ARHGAP31: variants seen among roughly 807,000 people sequenced by gnomAD.
ARHGAP31 encodes rho GTPase-activating protein 31.
A neutral mutation model predicts 113.9 loss-of-function variants in ARHGAP31; 34 were observed. The ratio of observed to expected loss-of-function variants is 0.30; its 90% CI spans 0.23 to 0.40. The LOEUF is 0.40. Ranked by LOEUF, ARHGAP31 falls within the 10% of genes least tolerant of loss-of-function variation. The pLI is 1.00. For missense variants in ARHGAP31, 1,548 were observed against 1,767.1 expected (o/e 0.88, Z 2.22); for synonymous variants, 650 against 684.8 (o/e 0.95, Z 0.79).
chr3:119,347,749 T>G (rs1429545812), intron 1 of ARHGAP31, among the ~76,000 whole-genome samples: 13 of 152,216 alleles, frequency 8.5e-5, no homozygotes, highest in Admixed American at 8.5e-4. Context: ...GAGCCTTACC[T>G]TGTGAAAGCT....
intron 1 of ARHGAP31, among the ~76,000 whole-genome samples, chr3:119,326,109 TTGAA>T (rs2079841716): frequency 6.6e-6 from 1 of 152,146 alleles, no homozygotes; most frequent in African/African-American, 2.4e-5. Flanking sequence ...GGAGAATCAC[TTGAA>T]CCCAGGAGGC....
chr3:119,313,881 C>T (rs1052208251), intron 1 of ARHGAP31, among the ~76,000 whole-genome samples: 1 of 152,204 alleles, frequency 6.6e-6, no homozygotes, highest in African/African-American at 2.4e-5. Flanking sequence ...AAGGTAGGAT[C>T]AGAAAACATT....
intron 1 of ARHGAP31, among the ~76,000 whole-genome samples, chr3:119,296,402 T>G (rs541948515): frequency 3.0e-4 from 46 of 152,358 alleles, no homozygotes; most frequent in African/African-American, 1.1e-3. Flanking sequence ...GTTTGAGTTT[T>G]TTTGAGTGTG....
chr3:119,306,182 G>T (rs1360095233), intron 1 of ARHGAP31, among the ~76,000 whole-genome samples: 1 of 152,120 alleles, frequency 6.6e-6, no homozygotes, highest in Non-Finnish European at 1.5e-5. Flanking sequence ...TTAAATATTA[G>T]TCAATTTTAG....
intron 3 of ARHGAP31, among the ~76,000 whole-genome samples, chr3:119,374,730 C>G (rs1358774833): frequency 6.6e-6 from 1 of 152,182 alleles, no homozygotes; most frequent in Non-Finnish European, 1.5e-5. Flanking sequence ...CACCTTCTGC[C>G]ATGATTATGT....
At chr3:119,362,893 T>TTATA (rs1363676510) in intron 1 of ARHGAP31, among the ~76,000 whole-genome samples, 19 of 152,124 alleles carry the variant, frequency 1.2e-4, no homozygotes, top group Admixed American at 3.3e-4. Context: ...GAAAATCAGA[T>TTATA]TATACATTTA....
At chr3:119,295,332 C>G (rs1210207832) in intron 1 of ARHGAP31, among the ~76,000 whole-genome samples, 1 of 151,542 alleles carries the variant, frequency 6.6e-6, no homozygotes. Flanking sequence ...AAACTTGGCA[C>G]GTTGGAAGGG....
chr3:119,322,985 C>T (rs2107603367), intron 1 of ARHGAP31, among the ~76,000 whole-genome samples: 1 of 152,350 alleles, frequency 6.6e-6, no homozygotes, highest in South Asian at 2.1e-4. Context: ...TCGTTTCTGC[C>T]CCGCCCCGGG....
Position 119,383,106 on chromosome 3 carries a change from G to T in ARHGAP31, c.562G>T (p.Gly188Cys), listed in dbSNP as rs777932793. The change falls in exon 6 of 12, where the codon GGT becomes TGT. Residue 188 changes from glycine (G) to cysteine (C), a missense_variant. Gly to Cys is a radical substitution (Grantham distance 159). Coordinates refer to ENST00000264245, the MANE Select transcript of ARHGAP31 (RefSeq NM_020754.4). ...LLRSKEIEAT[G>C]CNGDAAFLAV... ...TAGGTCTAAAGAAATTGAAGCCACT[G>T]GTTGCAATGGAGATGCAGCCTTCCT... The T allele has an allele frequency of 6.2e-7, 1 of 1,614,204 alleles. No homozygotes were observed. Among genetic ancestry groups the T allele is most frequent in the South Asian group, 1.1e-5 (1 of 91,078 alleles).
chr3:119,325,061 T>C (rs2079829688), intron 1 of ARHGAP31: 2 of 435,658 alleles, frequency 4.6e-6, no homozygotes, highest in Non-Finnish European at 4.7e-6. Flanking sequence ...TTGAACACTC[T>C]CAGTGTGTTT....
intron 2 of ARHGAP31, among the ~76,000 whole-genome samples, chr3:119,365,896 G>A (rs2080249379): frequency 1.3e-5 from 2 of 151,824 alleles, no homozygotes; most frequent in Non-Finnish European, 2.9e-5. Context: ...GTCTCTAATT[G>A]ATGCTAGGAT....
chr3:119,296,752 C>CAA (rs147252007), intron 1 of ARHGAP31, among the ~76,000 whole-genome samples: 2 of 150,132 alleles, frequency 1.3e-5, no homozygotes, highest in African/African-American at 4.9e-5. Context: ...TTCATTTAGA[C>CAA]AAAAAAAAAC....
chr3:119,342,341 C>A (rs921538312), intron 1 of ARHGAP31, among the ~76,000 whole-genome samples: 4 of 152,038 alleles, frequency 2.6e-5, no homozygotes. Context: ...AAATTAATAC[C>A]AAATGTACAT....
intron 1 of ARHGAP31, among the ~76,000 whole-genome samples, chr3:119,338,692 GGAAA>G (rs1271404656): frequency 2.0e-5 from 3 of 152,220 alleles, no homozygotes; most frequent in South Asian, 4.2e-4. Context: ...AGTTAAGCTT[GGAAA>G]GAGTTTTAGT....
chr3:119,412,742 G>A (rs926115887), intron 11 of ARHGAP31, among the ~76,000 whole-genome samples: 3 of 152,166 alleles, frequency 2.0e-5, no homozygotes, highest in African/African-American at 7.2e-5. Context: ...AGAAAAAAGA[G>A]ACTGGGCGTG....
At chr3:119,312,552 C>G (rs2079691472) in intron 1 of ARHGAP31, among the ~76,000 whole-genome samples, 1 of 152,278 alleles carries the variant, frequency 6.6e-6, no homozygotes, top group East Asian at 1.9e-4. Flanking sequence ...ACACCTGACA[C>G]AAGTACAAGC....
chr3:119,311,785 T>TC (rs1381458281), intron 1 of ARHGAP31, among the ~76,000 whole-genome samples: 1 of 152,170 alleles, frequency 6.6e-6, no homozygotes, highest in African/African-American at 2.4e-5. Context: ...AGGGTCACAA[T>TC]CCCATATGAT....
rs748730057 is a variant in ARHGAP31, at chr3:119,414,392, G to C, written c.2463G>C (p.Gln821His). 3.1e-6 allele frequency: 5 copies of C among 1,614,116 alleles called. No individual in the cohort carries two copies. Among genetic ancestry groups the C allele is most frequent in the Middle Eastern group, 1.6e-4 (1 of 6,084 alleles). Reference protein sequence around the residue: ...RKLRTDLYIDQLKSQDSPEIS... With the variant: ...RKLRTDLYIDHLKSQDSPEIS... ...TGAGGACAGATCTCTACATAGACCA[G>C]CTGAAGTCCCAAGACAGCCCTGAGA... The change falls in exon 12 of 12, where the codon CAG becomes CAC. Residue 821 changes from glutamine (Q) to histidine (H), a missense_variant. Physicochemically the swap from Gln to His is conservative, Grantham distance 24. Coordinates refer to ENST00000264245, the MANE Select transcript of ARHGAP31 (RefSeq NM_020754.4).
At chr3:119,340,185 A>G (rs1380618780) in intron 1 of ARHGAP31, among the ~76,000 whole-genome samples, 1 of 152,262 alleles carries the variant, frequency 6.6e-6, no homozygotes, top group Non-Finnish European at 1.5e-5. Context: ...ATCATCAGCC[A>G]CTAGGGAAAT....
Sources: gnomAD v4.1 joint callset for allele counts (sites outside exome capture counted in the v4.1 genomes callset) on GRCh38, gnomAD v4.1.1 for gene constraint, MANE v1.5 for transcripts, NCBI Gene and HGNC (gene_info 2026-07-23, HGNC 2026-07-21) for gene names.